Variants in JMY observed in about 807,000 individuals in gnomAD.
The protein encoded by JMY is junction mediating and regulatory protein, p53 cofactor, also known as junction-mediating and -regulatory protein.
JMY carries 46 observed loss-of-function variants against 103.3 expected under a neutral mutation model. That is an observed-to-expected ratio of 0.45 (90% CI 0.35 to 0.57). The LOEUF is 0.57. Among genes scored for constraint, JMY ranks in the 20% least tolerant of loss-of-function variants. The pLI is 0.00. For missense variants in JMY, 1,238 were observed against 1,255.2 expected (o/e 0.99, Z 0.21); for synonymous variants, 526 against 489.3 (o/e 1.07, Z -0.99).
chr5:79,257,623 A>T (rs1482373673), intron 1 of JMY, among the ~76,000 whole-genome samples: 1 of 152,132 alleles, frequency 6.6e-6, no homozygotes, highest in African/African-American at 2.4e-5. Context: ...AAAAAATCAG[A>T]AATTGTGTTA....
At chr5:79,266,941 A>G (rs986670684) in intron 1 of JMY, among the ~76,000 whole-genome samples, 4 of 152,172 alleles carry the variant, frequency 2.6e-5, no homozygotes, top group African/African-American at 7.2e-5. Flanking sequence ...TACTTTTATG[A>G]TAGTTTAACA....
At chr5:79,306,325 A>G in intron 6 of JMY, 50 bp from the exon 7 acceptor site, 1 of 1,302,052 alleles carries the variant, frequency 7.7e-7, no homozygotes, top group Non-Finnish European at 1.1e-6. Flanking sequence ...TGTGGTGTTC[A>G]GAGTCTTTCA....
rs1051377970 is a variant in JMY, at chr5:79,321,873, T to A, written c.*271T>A. ...TTTCTGTTTTTTAAGCACATTCTCC[T>A]TCCATCCACATATTTACATCCTTGT... On this transcript the variant is annotated 3_prime_UTR_variant, in exon 11 of 11. Transcript: ENST00000396137. The A allele has an allele frequency of 6.6e-6, 1 of 152,214 alleles. No homozygotes were observed. The highest frequency in any genetic ancestry group is 2.1e-4 in the South Asian group (1 of 4,828). The allele number at this position is 152,214 out of a possible 1,614,324, so 9.4% of individuals were successfully genotyped here.
chr5:79,296,348 G>A (rs530744583), intron 4 of JMY, among the ~76,000 whole-genome samples: 40 of 152,310 alleles, frequency 2.6e-4, no homozygotes, highest in African/African-American at 9.6e-4. Context: ...TTGTGCAGTT[G>A]TTACTGGTGA....
chr5:79,240,420 CCTTG>C (rs1489471643), intron 1 of JMY, among the ~76,000 whole-genome samples: 1 of 152,034 alleles, frequency 6.6e-6, no homozygotes, highest in Non-Finnish European at 1.5e-5. Flanking sequence ...AAGCAGTTCT[CCTTG>C]CTCAGCCTCC....
chr5:79,319,603 C>CT (rs1202295834), intron 10 of JMY, among the ~76,000 whole-genome samples: 9 of 150,416 alleles, frequency 6.0e-5, no homozygotes, highest in African/African-American at 2.0e-4. Flanking sequence ...TTCTTCAAGA[C>CT]TGAGTTTCAC....
intron 2 of JMY, among the ~76,000 whole-genome samples, chr5:79,288,253 C>G (rs1746323222): frequency 6.6e-6 from 1 of 152,180 alleles, no homozygotes; most frequent in Non-Finnish European, 1.5e-5. Context: ...CTCCTGAAAG[C>G]AAGCAGGCTG....
At position 79,276,515 on chromosome 5, in the gene JMY, G is replaced by A. The variant is rs113244811; in HGVS notation, c.1033-1395G>A. Among the ~76,000 whole-genome samples, 155 of 151,992 alleles carry A rather than the reference G, an allele frequency of 1.0e-3. 1 individual carries two copies. The highest frequency in any genetic ancestry group is 3.7e-3 in the African/African-American group (154 of 41,462). ...CACAATCACAGCTCACTGCAGACCC[G>A]TCCTCCTGGGCTCAATTCTCATGCC... On this transcript the variant is annotated intron_variant, in intron 1 of 10. Transcript: ENST00000396137.
At chr5:79,273,484 T>C (rs916451922) in intron 1 of JMY, among the ~76,000 whole-genome samples, 1 of 152,268 alleles carries the variant, frequency 6.6e-6, no homozygotes, top group Admixed American at 6.5e-5. Flanking sequence ...TATAATATGA[T>C]AAACCTACTT....
chr5:79,282,701 TGTGCTTTA>T (rs1746154507), intron 2 of JMY, among the ~76,000 whole-genome samples: 2 of 152,182 alleles, frequency 1.3e-5, no homozygotes, highest in African/African-American at 4.8e-5. Flanking sequence ...ACTTAGTGCT[TGTGCTTTA>T]ACCAGGTAAT....
chr5:79,246,850 C>G (rs1744919596), intron 1 of JMY, among the ~76,000 whole-genome samples: 1 of 151,780 alleles, frequency 6.6e-6, no homozygotes, highest in South Asian at 2.1e-4. Flanking sequence ...GCACTGCACT[C>G]TAGCCTGGGC....
Position 79,314,379 on chromosome 5 carries a change from G to A in JMY, c.2187G>A (p.Gln729=), listed in dbSNP as rs1561315702. The A allele has an allele frequency of 6.2e-7, 1 of 1,614,134 alleles. No individual in the cohort carries two copies. ...DHCDSLPSVL[Q]VEEKTEEVGE... is the part of the protein sequence containing the mutation. ...GTGACTCTTTACCAAGTGTGTTACA[G>A]GTAGAAGAGAAAACTGAAGAGGTGG... The change falls in exon 9 of 11, where the codon CAG becomes CAA. Residue 729 remains glutamine (Q), a synonymous_variant. Transcript: ENST00000396137.
rs1387267797 is a variant in JMY at position 79,270,344 on chromosome 5, AT to A, written c.1033-7563del. Reference sequence around the variant, plus strand: ...ATTTACATAAATATTTAAAATATATATTTACATAAATATTTAAAATGTATAT... The same window carrying A: ...ATTTACATAAATATTTAAAATATATATTACATAAATATTTAAAATGTATAT... On this transcript the variant is annotated intron_variant, in intron 1 of 10. Coordinates refer to ENST00000396137, the MANE Select transcript of JMY (RefSeq NM_152405.5). 5.6e-3 allele frequency among the ~76,000 whole-genome samples: 791 copies of A among 140,524 alleles called. 5 individuals are homozygous for A. Among genetic ancestry groups the A allele is most frequent in the Non-Finnish European group, 8.4e-3 (548 of 65,264 alleles). The allele number at this position is 140,524 out of a possible 152,430, so 92.2% of individuals were successfully genotyped here.
At chr5:79,312,610 A>T in intron 8 of JMY, 112 bp downstream of exon 8, 2 of 488,760 alleles carry the variant, frequency 4.1e-6, no homozygotes. Flanking sequence ...TCCCTTATTT[A>T]TAAACTATTA....
intron 2 of JMY, chr5:79,284,070 T>G: frequency 9.4e-7 from 1 of 1,061,504 alleles, no homozygotes; most frequent in Non-Finnish European, 1.3e-6. Context: ...TATTTTTTTA[T>G]TTTATTTTTA....
chr5:79,236,332 C>G lies in JMY; in HGVS notation c.-319C>G. 1 of 214,774 alleles carries G rather than the reference C, an allele frequency of 4.7e-6. No homozygotes were observed. The highest frequency in any genetic ancestry group is 9.1e-6 in the Non-Finnish European group (1 of 109,398). 13.3% of individuals were successfully genotyped at this position (214,774 alleles called of 1,614,324 possible). On this transcript the variant is annotated 5_prime_UTR_variant, in exon 1 of 11. Coordinates refer to ENST00000396137, the MANE Select transcript of JMY (RefSeq NM_152405.5). ...CCACCGGAGCGCCGCAGACGCAGCT[C>G]CACGGCCTCGCGCGGGGGGCGGCGG...
At chr5:79,241,082 A>G (rs562747293) in intron 1 of JMY, among the ~76,000 whole-genome samples, 41 of 152,228 alleles carry the variant, frequency 2.7e-4, no homozygotes, top group Non-Finnish European at 5.3e-4. Context: ...CTTTTTTCCT[A>G]CAGTATTCCT....
At position 79,325,667 on chromosome 5, in the gene JMY, A is replaced by T. The variant is rs1747615303; in HGVS notation, c.*4065A>T. The T allele has an allele frequency of 6.6e-6, 1 of 152,184 alleles. No individual in the cohort carries two copies. The highest frequency in any genetic ancestry group is 2.4e-5 in the African/African-American group (1 of 41,466). 9.4% of individuals were successfully genotyped at this position (152,184 alleles called of 1,614,324 possible). A position where few individuals can be genotyped will look rare whatever the true frequency, so the allele number is the denominator to read the frequency against. On this transcript the variant is annotated 3_prime_UTR_variant, in exon 11 of 11. Coordinates refer to ENST00000396137, the MANE Select transcript of JMY (RefSeq NM_152405.5). ...ATTTAGTGCTACTGAACAATTCAGT[A>T]GTTATTTCTGAACTTTGCTGCAAAG...
chr5:79,250,730 T>C (rs563010029), intron 1 of JMY, among the ~76,000 whole-genome samples: 14 of 151,266 alleles, frequency 9.3e-5, no homozygotes, highest in African/African-American at 3.4e-4. Flanking sequence ...ACTAGAAATT[T>C]TACCCCACTA....
Sources: allele counts gnomAD v4.1 joint callset (sites outside exome capture counted in the v4.1 genomes callset), GRCh38; gene constraint gnomAD v4.1.1; transcripts MANE v1.5; gene names NCBI Gene and HGNC (gene_info 2026-07-23, HGNC 2026-07-21).